DLGAP2: variants seen among roughly 807,000 people sequenced by gnomAD.
The protein encoded by DLGAP2 is DLG associated protein 2.
A neutral mutation model predicts 100.3 loss-of-function variants in DLGAP2; 26 were observed. That is an observed-to-expected ratio of 0.26 (90% confidence interval 0.19 to 0.36). DLGAP2 has a LOEUF of 0.36. DLGAP2 is among the 10% of genes least tolerant of loss of function. The pLI is 1.00. For synonymous variants in DLGAP2, 886 were observed against 630.1 expected (o/e 1.41, Z -6.08); for missense variants, 1,858 against 1,453.2 (o/e 1.28, Z -4.53).
chr8:1,669,886 T>G, intron 10 of DLGAP2, 102 bp downstream of exon 10: 1 of 756,422 alleles, frequency 1.3e-6, no homozygotes, highest in Non-Finnish European at 2.5e-6. Flanking sequence ...CTGTCCTGAT[T>G]CTATGTGCCA....
At position 1,678,441 on chromosome 8, in the gene DLGAP2, C is replaced by T. The variant is rs774373313; in HGVS notation, c.2516C>T (p.Thr839Ile). Residue 839 changes from threonine (T) to isoleucine (I), a missense_variant, in exon 12 of 15, where the codon ACC becomes ATC. By Grantham distance (89) the Thr-to-Ile change is moderately conservative (BLOSUM62 -1). Transcript: ENST00000637795. ...YREDYRTQVDTSTLPPPDPWL... is the reference protein window; with the variant it reads ...YREDYRTQVDISTLPPPDPWL... ...GAAGACTATCGGACCCAAGTGGACA[C>T]CTCCACCCTGCCCCCTCCAGACCCC... is the stretch of plus-strand genomic sequence containing the variant. 1 of 1,613,516 alleles carries T rather than the reference C, an allele frequency of 6.2e-7. No individual in the cohort carries two copies. The highest frequency in any genetic ancestry group is 1.3e-5 in the African/African-American group (1 of 74,908).
At chr8:1,420,825 A>C (rs761693165) in intron 3 of DLGAP2, among the ~76,000 whole-genome samples, 1 of 152,018 alleles carries the variant, frequency 6.6e-6, no homozygotes, top group African/African-American at 2.4e-5. Flanking sequence ...ATTTAGACCT[A>C]TTGGTGCCAT....
intron 3 of DLGAP2, among the ~76,000 whole-genome samples, chr8:1,299,568 T>G (rs1800281348): frequency 6.6e-6 from 1 of 152,220 alleles, no homozygotes; most frequent in African/African-American, 2.4e-5. Flanking sequence ...CACTCGCACC[T>G]TTGGCTCAGT....
At chr8:773,006 G>A (rs1821406343) in intron 1 of DLGAP2, among the ~76,000 whole-genome samples, 1 of 152,146 alleles carries the variant, frequency 6.6e-6, no homozygotes, top group South Asian at 2.1e-4. Flanking sequence ...CAGTAGGATG[G>A]CATGGACACA....
chr8:948,018 G>C (rs1173400603), intron 2 of DLGAP2, among the ~76,000 whole-genome samples: 1 of 147,848 alleles, frequency 6.8e-6, no homozygotes, highest in Non-Finnish European at 1.5e-5. Context: ...TGGCTCCCCC[G>C]ACCCCGTGCC....
At chr8:1,133,593 CACAA>C (rs1796342257) in intron 2 of DLGAP2, among the ~76,000 whole-genome samples, 1 of 152,156 alleles carries the variant, frequency 6.6e-6, no homozygotes, top group African/African-American at 2.4e-5. Context: ...AGGGCCTGGA[CACAA>C]ACACTTTGCT....
chr8:1,368,836 G>A (rs972708928), intron 3 of DLGAP2: 1 of 152,190 alleles, frequency 6.6e-6, no homozygotes, highest in African/African-American at 2.4e-5. Context: ...TACTTAGCCT[G>A]GAACCATCTA....
intron 3 of DLGAP2, among the ~76,000 whole-genome samples, chr8:1,445,149 A>G (rs1797949889): frequency 6.7e-6 from 1 of 149,162 alleles, no homozygotes. Flanking sequence ...CAGGTTTGTT[A>G]TACATGTATA....
intron 4 of DLGAP2, among the ~76,000 whole-genome samples, chr8:1,534,549 C>G (rs976410658): frequency 6.6e-6 from 1 of 152,190 alleles, no homozygotes; most frequent in Non-Finnish European, 1.5e-5. Flanking sequence ...TTTAGAATCA[C>G]AAAACTCCTT....
intron 1 of DLGAP2, among the ~76,000 whole-genome samples, chr8:742,555 C>T (rs942281103): frequency 5.3e-5 from 8 of 152,286 alleles, no homozygotes; most frequent in East Asian, 1.9e-4. Flanking sequence ...GTCACCCAGG[C>T]GGGAGTGCAC....
chr8:1,155,334 C>G (rs958209573), intron 2 of DLGAP2, among the ~76,000 whole-genome samples: 1 of 152,266 alleles, frequency 6.6e-6, no homozygotes, highest in Non-Finnish European at 1.5e-5. Context: ...AAAGTCCCAC[C>G]GCTTCCTGCG....
intron 2 of DLGAP2, among the ~76,000 whole-genome samples, chr8:978,011 G>A (rs62486454): frequency 6.8e-4 from 24 of 35,300 alleles, no homozygotes; most frequent in Non-Finnish European, 1.2e-3. Context: ...ATGCAGTGAG[G>A]GGCTGGGTTC....
At chr8:1,106,331 C>A (rs912385221) in intron 2 of DLGAP2, among the ~76,000 whole-genome samples, 4 of 135,568 alleles carry the variant, frequency 3.0e-5, no homozygotes, top group African/African-American at 1.1e-4. Flanking sequence ...GGGAGCCATT[C>A]CAGTAGGGTT....
At chr8:802,919 C>T (rs1237791495) in intron 1 of DLGAP2, among the ~76,000 whole-genome samples, 1 of 152,158 alleles carries the variant, frequency 6.6e-6, no homozygotes, top group Non-Finnish European at 1.5e-5. Flanking sequence ...TGTGATTTTA[C>T]ACATAGTCTA....
chr8:1,436,189 C>A (rs896831551), intron 3 of DLGAP2, among the ~76,000 whole-genome samples: 2 of 152,132 alleles, frequency 1.3e-5, no homozygotes, highest in Non-Finnish European at 2.9e-5. Flanking sequence ...GAAGCCAGTC[C>A]GAGGCCCAAA....
At chr8:1,629,524 CAAG>C (rs1278962455) in intron 7 of DLGAP2, among the ~76,000 whole-genome samples, 12 of 152,238 alleles carry the variant, frequency 7.9e-5, no homozygotes, top group African/African-American at 2.9e-4. Context: ...GCATAAAGTC[CAAG>C]ATGATATGGG....
chr8:1,596,508 A>G (rs1796463972), intron 6 of DLGAP2, among the ~76,000 whole-genome samples: 1 of 152,052 alleles, frequency 6.6e-6, no homozygotes, highest in African/African-American at 2.4e-5. Flanking sequence ...AAGCGTTCCT[A>G]TTTTTCCTTA....
intron 3 of DLGAP2, chr8:1,296,136 A>G (rs1800166874): frequency 6.6e-6 from 1 of 151,902 alleles, no homozygotes; most frequent in Non-Finnish European, 1.5e-5. Flanking sequence ...TGCAGGGTGG[A>G]GTTGGGGTGG....
chr8:798,005 C>T (rs1796069254), intron 1 of DLGAP2, among the ~76,000 whole-genome samples: 1 of 152,210 alleles, frequency 6.6e-6, no homozygotes, highest in African/African-American at 2.4e-5. Context: ...CCACCTCGGC[C>T]TCCCAAAGTG....
Sources: allele counts gnomAD v4.1 joint callset (sites outside exome capture counted in the v4.1 genomes callset), GRCh38; gene constraint gnomAD v4.1.1; transcripts MANE v1.5; gene names NCBI Gene and HGNC (gene_info 2026-07-23, HGNC 2026-07-21).